SPAG9: variants seen among roughly 807,000 people sequenced by gnomAD.
SPAG9 encodes the protein sperm associated antigen 9.
SPAG9 carries 35 observed loss-of-function variants against 166.5 expected under a neutral mutation model. The ratio of observed to expected loss-of-function variants is 0.21; its 90% confidence interval spans 0.16 to 0.28. The LOEUF (loss-of-function observed/expected upper bound fraction) is 0.28, where lower values mean the gene tolerates loss of function less well. SPAG9 is among the 10% of genes least tolerant of loss of function. SPAG9 has a pLI of 1.00. For missense variants in SPAG9, 1,235 were observed against 1,603.3 expected (o/e 0.77, Z 3.92); for synonymous variants, 534 against 565.5 (o/e 0.94, Z 0.79).
intron 12 of SPAG9, among the ~76,000 whole-genome samples, chr17:51,004,325 G>C (rs143470779): frequency 4.6e-5 from 7 of 152,246 alleles, no homozygotes; most frequent in Non-Finnish European, 1.0e-4. Flanking sequence ...ACTTGTTTTT[G>C]TGTGTATCAT....
chr17:51,026,678 T>C (rs936509735), intron 6 of SPAG9, among the ~76,000 whole-genome samples: 6 of 145,782 alleles, frequency 4.1e-5, no homozygotes, highest in African/African-American at 7.8e-5. Flanking sequence ...TCTTTTCTTT[T>C]TTTTTTTTTT....
intron 19 of SPAG9, 104 bp downstream of exon 19, chr17:50,993,660 C>A: frequency 9.2e-7 from 1 of 1,091,554 alleles, no homozygotes; most frequent in Non-Finnish European, 1.3e-6. Flanking sequence ...AGAACATAAG[C>A]TTCATGACAG....
chr17:51,117,856 G>C (rs534749613), intron 1 of SPAG9, among the ~76,000 whole-genome samples: 1 of 151,826 alleles, frequency 6.6e-6, no homozygotes, highest in Non-Finnish European at 1.5e-5. Context: ...ACTGATGGCC[G>C]GGTGTGGTGG....
At position 51,079,620 on chromosome 17, in the gene SPAG9, G is replaced by C. The variant is rs1325809215; in HGVS notation, c.388C>G (p.Gln130Glu). 2 of 1,613,648 alleles carry C rather than the reference G, an allele frequency of 1.2e-6. No individual in the cohort carries two copies. The highest frequency in any genetic ancestry group is 2.7e-5 in the African/African-American group (2 of 74,880). The part of the protein sequence containing the change: ...RVESLESQTR[Q>E]LELKAKNYAD... ...TAGTTTTTCGCTTTCAGCTCAAGTT[G>C]TCTTGTTTGAGATTCTAAAGATTCC... The change falls in exon 2 of 30, where the codon CAA (glutamine) becomes GAA (glutamate). Residue 130 changes from glutamine to glutamate, a missense_variant. Gln to Glu is a conservative substitution (Grantham distance 29). Around this residue, in one of 6 missense-constraint regions of SPAG9, gnomAD observed 288 missense variants for 323.7 expected, o/e 0.89. Transcript: ENST00000262013.
rs137864639 is a variant in SPAG9, at chr17:50,963,418, A to G, written c.*2854T>C. On this transcript the variant is annotated 3_prime_UTR_variant, in exon 30 of 30. Transcript: ENST00000262013. ...GGAAAGGGGAAGTGAAGCAATCTGT[A>G]GAAAATATTTAACTGAAATTACAAA... 5.9e-5 allele frequency: 9 copies of G among 152,362 alleles called. No individual in the cohort carries two copies. The highest frequency in any genetic ancestry group is 1.9e-4 in the East Asian group (1 of 5,188). The allele number at this position is 152,362 out of a possible 1,614,324, so 9.4% of individuals were successfully genotyped here. A position where few individuals can be genotyped will look rare whatever the true frequency, so the allele number is the denominator to read the frequency against.
intron 5 of SPAG9, among the ~76,000 whole-genome samples, chr17:51,034,958 C>G (rs2046530274): frequency 6.6e-6 from 1 of 152,140 alleles, no homozygotes; most frequent in Non-Finnish European, 1.5e-5. Context: ...TCATGAAAGA[C>G]AAGACAAGAC....
intron 2 of SPAG9, among the ~76,000 whole-genome samples, chr17:51,075,056 C>T (rs2047928005): frequency 1.3e-5 from 2 of 151,716 alleles, no homozygotes; most frequent in African/African-American, 4.8e-5. Flanking sequence ...ATTAGCCAGG[C>T]ATAATGACGG....
intron 6 of SPAG9, among the ~76,000 whole-genome samples, chr17:51,027,176 A>G (rs1386254590): frequency 2.0e-5 from 3 of 152,172 alleles, no homozygotes; most frequent in Admixed American, 1.3e-4. Context: ...TCATGTGTGT[A>G]ATCACAGCCC....
Position 50,985,736 on chromosome 17 carries a change from G to C in SPAG9, c.2982C>G (p.Leu994=). 2 of 1,608,852 alleles carry C rather than the reference G, an allele frequency of 1.2e-6. No individual in the cohort carries two copies. The highest frequency in any genetic ancestry group is 8.5e-7 in the Non-Finnish European group (1 of 1,175,944). Reference sequence around the variant, plus strand: ...TCGAATCTTTAAGTTTAATGGAATGGAGACATTTCCTCCACTGGGCTACAG... The same window carrying C: ...TCGAATCTTTAAGTTTAATGGAATGCAGACATTTCCTCCACTGGGCTACAG... ...HSSVAQWRKC[L]HSIKLKDSIL... Residue 994 remains leucine, a synonymous_variant, in exon 23 of 30, where the codon CTC becomes CTG. Transcript: ENST00000262013.
rs1266274653 is a variant in SPAG9, at chr17:51,120,641, C to T, written c.16G>A (p.Gly6Ser). 1 of 1,606,550 alleles carries T rather than the reference C, an allele frequency of 6.2e-7. No individual in the cohort carries two copies. The highest frequency in any genetic ancestry group is 8.5e-7 in the Non-Finnish European group (1 of 1,177,076). The stretch of plus-strand genomic sequence containing the variant: ...CCGGGCTCCTCCTGATACACCACAC[C>T]GTCCTCCAGCTCCATGGTGGCAAGC... Reference protein sequence around the residue: MELEDGVVYQEEPGGS... With the variant: MELEDSVVYQEEPGGS... Residue 6 changes from glycine (G) to serine (S), a missense_variant, in exon 1 of 30, where the codon GGT (glycine) becomes AGT (serine). By Grantham distance (56) the Gly-to-Ser change is moderately conservative (BLOSUM62 0). This residue lies in a region of SPAG9 where 83 missense variants were observed against 149.8 expected (regional missense o/e 0.55). Coordinates refer to ENST00000262013, the MANE Select transcript of SPAG9 (RefSeq NM_001130528.3). The surrounding 1 kb of genome is among the most constrained non-coding windows in gnomAD (Gnocchi z 4.7).
At chr17:50,978,645 C>G (rs192555356) in intron 26 of SPAG9, among the ~76,000 whole-genome samples, 1 of 152,250 alleles carries the variant, frequency 6.6e-6, no homozygotes, top group Non-Finnish European at 1.5e-5. Context: ...TAAATGGTCT[C>G]TCCTGATTAT....
At chr17:51,025,179 C>T (rs182934017) in intron 6 of SPAG9, among the ~76,000 whole-genome samples, 11 of 151,484 alleles carry the variant, frequency 7.3e-5, no homozygotes, top group Admixed American at 4.6e-4. Context: ...ATTAGCCAGG[C>T]ATGGTGGCAC....
At chr17:51,048,196 A>G (rs939903857) in intron 3 of SPAG9, among the ~76,000 whole-genome samples, 7 of 152,088 alleles carry the variant, frequency 4.6e-5, no homozygotes, top group African/African-American at 1.7e-4. Context: ...TCAAGAATAT[A>G]AAGTACATAA....
chr17:51,071,401 A>G (rs772552508), intron 2 of SPAG9, among the ~76,000 whole-genome samples: 12 of 152,202 alleles, frequency 7.9e-5, no homozygotes, highest in Admixed American at 5.9e-4. Context: ...TCCACACAAT[A>G]TCGATTACAG....
At chr17:51,053,159 T>A (rs1198341615) in intron 3 of SPAG9, among the ~76,000 whole-genome samples, 23 of 151,006 alleles carry the variant, frequency 1.5e-4, no homozygotes, top group Admixed American at 1.2e-3. Context: ...AAAAACGTTG[T>A]TTATTATTTA....
intron 1 of SPAG9, among the ~76,000 whole-genome samples, chr17:51,089,630 A>G (rs1304513554): frequency 1.5e-5 from 1 of 68,522 alleles, no homozygotes; most frequent in Non-Finnish European, 2.7e-5. Context: ...TTATATATAT[A>G]TATATATATA....
chr17:51,092,747 T>G (rs769782733), intron 1 of SPAG9, among the ~76,000 whole-genome samples: 5 of 135,874 alleles, frequency 3.7e-5, no homozygotes, highest in Non-Finnish European at 6.2e-5. Context: ...GACCCTTGTC[T>G]CTACAAAAAA....
intron 1 of SPAG9, among the ~76,000 whole-genome samples, chr17:51,097,460 G>A (rs1028794236): frequency 2.0e-5 from 3 of 152,050 alleles, no homozygotes; most frequent in African/African-American, 7.2e-5. Context: ...CAGGAAGACA[G>A]CTTGCACCCA....
rs756158886 is a variant in SPAG9, at chr17:50,970,712, C to T, written c.3845G>A (p.Arg1282Gln). 15 of 1,612,488 alleles carry T rather than the reference C, an allele frequency of 9.3e-6. No homozygotes were observed. Among genetic ancestry groups the T allele is most frequent in the South Asian group, 4.4e-5 (4 of 91,024 alleles). ...ISGGEGYIDF[R>Q]MGDEGGESEL... ...ACCCAGAACCAATGACATACCCATT[C>T]GGAAGTCGATGTAGCCCTCTCCTCC... The change falls in exon 29 of 30, where the codon CGA becomes CAA. Residue 1282 changes from arginine to glutamine, a missense_variant. Transcript: ENST00000262013.
Sources: allele counts gnomAD v4.1 joint callset (sites outside exome capture counted in the v4.1 genomes callset), GRCh38; gene constraint gnomAD v4.1.1; regional missense constraint gnomAD v4.1.1; non-coding constraint Gnocchi (gnomAD v3.1); transcripts MANE v1.5; gene names NCBI Gene and HGNC (gene_info 2026-07-23, HGNC 2026-07-21).